TAF8: variants seen among roughly 807,000 people sequenced by gnomAD.
TAF8 encodes transcription initiation factor TFIID subunit 8.
A neutral mutation model predicts 36.5 loss-of-function variants in TAF8; 47 were observed. The ratio of observed to expected loss-of-function variants is 1.29; its 90% CI spans 1.02 to 1.64. TAF8 has a LOEUF of 1.64. Ranked by LOEUF, TAF8 falls within the 40% of genes most tolerant of loss-of-function variation. The pLI is 0.00. For synonymous variants in TAF8, 175 were observed against 159.5 expected (o/e 1.10, Z -0.73); for missense variants, 420 against 407.6 (o/e 1.03, Z -0.26).
Position 42,057,787 on chromosome 6 carries a change from G to A in TAF8, c.489+274G>A, listed in dbSNP as rs539564894. On this transcript the variant is annotated intron_variant, in intron 5 of 8. Transcript: ENST00000372977. Reference sequence around the variant, plus strand: ...AATAAATAAATAAAGAAAAAAAAAAGAATTCAGATTATCTTTCATAATTGA... The same window carrying A: ...AATAAATAAATAAAGAAAAAAAAAAAAATTCAGATTATCTTTCATAATTGA... 67 of 363,478 alleles carry A rather than the reference G, an allele frequency of 1.8e-4. 1 individual carries two copies. In the South Asian group the frequency reaches 5.7e-3, roughly 31 times the overall value. 22.5% of individuals were successfully genotyped at this position (363,478 alleles called of 1,614,324 possible).
chr6:42,064,257 T>G (rs896396612), intron 5 of TAF8, among the ~76,000 whole-genome samples: 31 of 151,724 alleles, frequency 2.0e-4, no homozygotes, highest in African/African-American at 7.3e-4. Flanking sequence ...GTTTTGGGGT[T>G]TTTTTGTGGG....
intron 2 of TAF8, 80 bp downstream of exon 2, chr6:42,051,593 G>A: frequency 1.4e-6 from 2 of 1,473,050 alleles, no homozygotes; most frequent in Non-Finnish European, 1.8e-6. Context: ...TGTTTGAGAG[G>A]ATTTAAGAAA....
intron 1 of TAF8, chr6:42,051,132 A>G (rs968092492): frequency 7.8e-6 from 10 of 1,277,376 alleles, no homozygotes; most frequent in Non-Finnish European, 9.9e-6. Context: ...ATTTTATCTC[A>G]TTGGGACTGT....
In TAF8 at chr6:42,080,562, G is replaced by A. The variant is rs1035362849; in HGVS notation, c.*3017G>A. Reference sequence around the variant, plus strand: ...TAATTTTTTTTGTATTTTTGGTAGAGACGGGGTTTCACCAGGTTGGCCAGG... The same window carrying A: ...TAATTTTTTTTGTATTTTTGGTAGAAACGGGGTTTCACCAGGTTGGCCAGG... On this transcript the variant is annotated 3_prime_UTR_variant, in exon 9 of 9. Coordinates refer to ENST00000372977, the MANE Select transcript of TAF8 (RefSeq NM_138572.3). 9.7e-5 allele frequency: 49 copies of A among 506,472 alleles called. No homozygotes were observed. The highest frequency in any genetic ancestry group is 1.2e-4 in the Non-Finnish European group (47 of 392,986). 31.4% of individuals were successfully genotyped at this position (506,472 alleles called of 1,614,324 possible).
At chr6:42,067,281 C>A (rs1400843420) in intron 6 of TAF8, among the ~76,000 whole-genome samples, 1 of 152,252 alleles carries the variant, frequency 6.6e-6, no homozygotes, top group African/African-American at 2.4e-5. Flanking sequence ...TACAGTGGCG[C>A]AATCTCTGCT....
intron 2 of TAF8, among the ~76,000 whole-genome samples, chr6:42,053,458 G>A (rs993515237): frequency 2.6e-5 from 4 of 151,750 alleles, no homozygotes; most frequent in African/African-American, 7.2e-5. Flanking sequence ...ACAGCTACTC[G>A]GGAGGCTGAG....
chr6:42,084,662 C>T (rs947295698), downstream of TAF8, among the ~76,000 whole-genome samples: 4 of 152,070 alleles, frequency 2.6e-5, no homozygotes, highest in Admixed American at 2.6e-4. Context: ...GGGGTTTCAC[C>T]ATGTTGACCA....
rs1765963942 is a variant in TAF8, at chr6:42,082,945, G to A, written c.*5400G>A. ...ATTTTTCCTCCTCTTGGAGCGTGTG[G>A]CCTACCTCATCTCCATTTGATTACT... On this transcript the variant is annotated 3_prime_UTR_variant, in exon 9 of 9. Coordinates refer to ENST00000372977, the MANE Select transcript of TAF8 (RefSeq NM_138572.3). The A allele has an allele frequency of 6.6e-6, 1 of 152,064 alleles. No individual in the cohort carries two copies. Among genetic ancestry groups the A allele is most frequent in the Non-Finnish European group, 1.5e-5 (1 of 68,024 alleles). The allele number at this position is 152,064 out of a possible 1,614,324, so 9.4% of individuals were successfully genotyped here.
intron 7 of TAF8, among the ~76,000 whole-genome samples, chr6:42,075,249 G>A (rs1445890221): frequency 1.3e-5 from 2 of 152,156 alleles, no homozygotes; most frequent in South Asian, 2.1e-4. Context: ...CCTTTTTTCC[G>A]GCACCTGGTC....
At chr6:42,067,913 A>G (rs1038370168) in intron 6 of TAF8, among the ~76,000 whole-genome samples, 1 of 151,960 alleles carries the variant, frequency 6.6e-6, no homozygotes, top group Non-Finnish European at 1.5e-5. Flanking sequence ...TCTCATCCTC[A>G]TTGCTTTTTG....
At chr6:42,056,463 C>T (rs984101168) in intron 4 of TAF8, 5 of 173,440 alleles carry the variant, frequency 2.9e-5, no homozygotes, top group African/African-American at 1.2e-4. Context: ...GTACCACATG[C>T]AAAACCTAAA....
intron 7 of TAF8, among the ~76,000 whole-genome samples, chr6:42,070,338 A>C (rs1765522016): frequency 6.6e-6 from 1 of 151,798 alleles, no homozygotes; most frequent in East Asian, 1.9e-4. Flanking sequence ...AATACAAAAA[A>C]AAAATTAGCC....
chr6:42,068,792 G>T (rs897392181), intron 7 of TAF8, among the ~76,000 whole-genome samples, 185 bp downstream of exon 7: 2 of 152,200 alleles, frequency 1.3e-5, no homozygotes, highest in Non-Finnish European at 2.9e-5. Context: ...ACACATCCGT[G>T]TCCTGGGGAT....
At chr6:42,050,844 C>T (rs978212457) in intron 1 of TAF8, 34 of 1,013,302 alleles carry the variant, frequency 3.4e-5, no homozygotes, top group Admixed American at 8.0e-5. Flanking sequence ...CTGAAGATGC[C>T]GTTTTCGCCT....
At chr6:42,086,288 T>C (rs955130852), downstream of TAF8, among the ~76,000 whole-genome samples, 1 of 152,272 alleles carries the variant, frequency 6.6e-6, no homozygotes, top group African/African-American at 2.4e-5. Context: ...TTTACACTTT[T>C]GCCAATCTGA....
intron 2 of TAF8, among the ~76,000 whole-genome samples, chr6:42,052,647 T>C (rs1487005084): frequency 6.6e-6 from 1 of 152,182 alleles, no homozygotes; most frequent in Non-Finnish European, 1.5e-5. Flanking sequence ...AAAGGAAATG[T>C]GTTGAGATTT....
Position 42,081,190 on chromosome 6 carries a change from T to TGTGC in TAF8, c.*3646_*3647insTGCG, listed in dbSNP as rs60628172. On this transcript the variant is annotated 3_prime_UTR_variant, in exon 9 of 9. Transcript: ENST00000372977. ...CCTGGAGTGTGTGTGTGTGTGTGTG[T>TGTGC]GCGTGTGTGTGCGTGTGAGACAGAG... 0.28 allele frequency: 43,971 copies of TGTGC among 154,482 alleles called. 6,587 individuals carry two copies. Among genetic ancestry groups the TGTGC allele is most frequent in the East Asian group, 0.48 (2,481 of 5,128 alleles). The allele number at this position is 154,482 out of a possible 1,614,324, so 9.6% of individuals were successfully genotyped here.
intron 5 of TAF8, among the ~76,000 whole-genome samples, chr6:42,058,894 G>C (rs1226011543): frequency 6.6e-6 from 1 of 152,134 alleles, no homozygotes; most frequent in Non-Finnish European, 1.5e-5. Flanking sequence ...TTGGCTCATA[G>C]ATGCATCACT....
chr6:42,058,097 G>A (rs1468871175), intron 5 of TAF8, among the ~76,000 whole-genome samples: 2 of 151,988 alleles, frequency 1.3e-5, no homozygotes, highest in African/African-American at 2.4e-5. Flanking sequence ...AAAATATTTA[G>A]TAATGGCCGG....
Sources: allele counts gnomAD v4.1 joint callset (sites outside exome capture counted in the v4.1 genomes callset), GRCh38; gene constraint gnomAD v4.1.1; transcripts MANE v1.5; gene names NCBI Gene and HGNC (gene_info 2026-07-23, HGNC 2026-07-21).